KIAA1671: variants seen among roughly 807,000 people sequenced by gnomAD.
KIAA1671 encodes the protein uncharacterized protein KIAA1671.
In KIAA1671, 52 loss-of-function variants were observed where a neutral mutation model predicts 131.2. That is an observed-to-expected ratio of 0.40 (90% CI 0.32 to 0.50). The LOEUF is 0.50. Among genes scored for constraint, KIAA1671 ranks in the 20% least tolerant of loss-of-function variants. The pLI, the probability that KIAA1671 is intolerant of heterozygous loss-of-function variation, is 0.73. For synonymous variants in KIAA1671, 1,003 were observed against 961.6 expected (o/e 1.04, Z -0.80); for missense variants, 2,360 against 2,364.2 (o/e 1.00, Z 0.04).
chr22:25,100,578 A>G (rs1285079280), intron 6 of KIAA1671, among the ~76,000 whole-genome samples: 2 of 152,218 alleles, frequency 1.3e-5, no homozygotes, highest in South Asian at 4.1e-4. Flanking sequence ...TAGCAGATGC[A>G]TGACTTGGAC....
Position 25,040,516 on chromosome 22 carries a change from C to T in KIAA1671, c.3386C>T (p.Ala1129Val), listed in dbSNP as rs1602090375. The change falls in exon 5 of 13, where the codon GCC becomes GTC. Residue 1129 changes from alanine (A) to valine (V), a missense_variant. Ala to Val is a moderately conservative substitution (Grantham distance 64). Transcript: ENST00000358431. ...AATGGAAGAATCATTGATGTGGATGCCTTATGGAGTCATCGGGGATCAGAA... is the reference window on the plus strand; with the variant it reads ...AATGGAAGAATCATTGATGTGGATGTCTTATGGAGTCATCGGGGATCAGAA... ...PFNGRIIDVDALWSHRGSEDG... is the reference protein window; with the variant it reads ...PFNGRIIDVDVLWSHRGSEDG... The T allele has an allele frequency of 8.4e-6, 13 of 1,551,822 alleles. No individual in the cohort carries two copies. In the East Asian group the frequency reaches 2.9e-4, roughly 35 times the overall value.
intron 6 of KIAA1671, among the ~76,000 whole-genome samples, chr22:25,071,151 G>A (rs1173063767): frequency 1.3e-5 from 2 of 152,186 alleles, no homozygotes; most frequent in Admixed American, 1.3e-4. Flanking sequence ...ACATCCATCA[G>A]GGCTCTGGGA....
rs188374875 is a variant in KIAA1671, at chr22:24,981,687, T to C, written c.-208+28915T>C. On this transcript the variant is annotated intron_variant, in intron 1 of 12. Coordinates refer to ENST00000358431, the MANE Select transcript of KIAA1671 (RefSeq NM_001145206.2). ...GCTTTGGGAGGCCAAGGCGGGAAGATTGCTTGAGCCAGGAGTTCAAGATCA... is the reference window on the plus strand; with the variant it reads ...GCTTTGGGAGGCCAAGGCGGGAAGACTGCTTGAGCCAGGAGTTCAAGATCA... 9.8e-4 allele frequency among the ~76,000 whole-genome samples: 149 copies of C among 152,264 alleles called. 3 individuals are homozygous for C. In the South Asian group the frequency reaches 0.018, roughly 18 times the overall value.
intron 6 of KIAA1671, among the ~76,000 whole-genome samples, chr22:25,081,923 G>C (rs1221171270): frequency 1.3e-5 from 2 of 152,106 alleles, no homozygotes; most frequent in East Asian, 3.9e-4. Flanking sequence ...TTACCCCGCT[G>C]GGTAGTGCAT....
At chr22:25,159,139 T>C (rs1437425830) in intron 6 of KIAA1671, among the ~76,000 whole-genome samples, 1 of 152,060 alleles carries the variant, frequency 6.6e-6, no homozygotes, top group Non-Finnish European at 1.5e-5. Flanking sequence ...GTTGTTTGTG[T>C]TTATAGCCTC....
In KIAA1671 at chr22:25,033,574, G is replaced by GTTTTTTTTTTTTTTTTTTT. The variant is rs71191019; in HGVS notation, c.1629+884_1629+902dup. 8.7e-4 allele frequency among the ~76,000 whole-genome samples: 51 copies of GTTTTTTTTTTTTTTTTTTT among 58,426 alleles called. 10 individuals are homozygous for GTTTTTTTTTTTTTTTTTTT. The highest frequency in any genetic ancestry group is 1.1e-3 in the African/African-American group (15 of 13,944). The allele number at this position is 58,426 out of a possible 152,430, so 38.3% of individuals were successfully genotyped here. On this transcript the variant is annotated intron_variant, in intron 4 of 12. Coordinates refer to ENST00000358431, the MANE Select transcript of KIAA1671 (RefSeq NM_001145206.2). ...TTGTTTTTTTGGTTGGTTTGTTTTC[G>GTTTTTTTTTTTTTTTTTTT]TTTTTTTTTTTTTTTTTTTTTTTTG... is the stretch of plus-strand genomic sequence containing the variant.
At chr22:25,086,397 G>T (rs1929721316) in intron 6 of KIAA1671, among the ~76,000 whole-genome samples, 1 of 152,204 alleles carries the variant, frequency 6.6e-6, no homozygotes, top group Admixed American at 6.5e-5. Context: ...GCACACAATA[G>T]GTGCTGAATA....
intron 6 of KIAA1671, among the ~76,000 whole-genome samples, chr22:25,163,053 C>T (rs1933501037): frequency 6.6e-6 from 1 of 152,128 alleles, no homozygotes; most frequent in African/African-American, 2.4e-5. Flanking sequence ...TTTGGCCTGG[C>T]ATGGTGGCTC....
chr22:25,177,314 A>AT (rs1568993452), intron 8 of KIAA1671, 34 bp from the exon 9 acceptor site: 3 of 1,525,274 alleles, frequency 2.0e-6, no homozygotes, highest in Admixed American at 2.1e-5. Context: ...GGTTCCCTTG[A>AT]TTTTTTTCCT....
chr22:24,953,943 A>T (rs1241924962), intron 1 of KIAA1671, among the ~76,000 whole-genome samples: 1 of 152,082 alleles, frequency 6.6e-6, no homozygotes, highest in African/African-American at 2.4e-5. Context: ...CTGAATCCAG[A>T]TGGGGACCCT....
chr22:25,067,345 C>T (rs2072180894), intron 6 of KIAA1671, among the ~76,000 whole-genome samples: 2 of 152,100 alleles, frequency 1.3e-5, no homozygotes, highest in East Asian at 1.9e-4. Flanking sequence ...GCTTTCTCCC[C>T]GGCTGTTCCT....
chr22:24,966,848 C>T (rs1338394238), intron 1 of KIAA1671, among the ~76,000 whole-genome samples: 4 of 152,080 alleles, frequency 2.6e-5, no homozygotes, highest in African/African-American at 7.2e-5. Context: ...CTCAACTGCT[C>T]GGGAGGCTGA....
rs2146058915 is a variant in KIAA1671 at position 25,192,985 on chromosome 22, T to TA, written c.*585dup. The TA allele has an allele frequency of 6.6e-6, 1 of 152,292 alleles. No homozygotes were observed. Among genetic ancestry groups the TA allele is most frequent in the East Asian group, 1.9e-4 (1 of 5,182 alleles). 9.4% of individuals were successfully genotyped at this position (152,292 alleles called of 1,614,324 possible). On this transcript the variant is annotated 3_prime_UTR_variant, in exon 13 of 13. Transcript: ENST00000358431. ...AATCAGCAGTTCCAATTTTTAAACA[T>TA]ACTCTCCCTGATTATGTGTATTTCT...
At chr22:25,011,639 T>C (rs2049984) in intron 1 of KIAA1671, 23,155 of 97,864 alleles carry the variant, frequency 0.24, 1,837 homozygotes, top group East Asian at 0.36. Flanking sequence ...CTTTTCTTTT[T>C]TTTTTTTTTT....
chr22:25,162,880 C>A (rs1933494146), intron 6 of KIAA1671, among the ~76,000 whole-genome samples: 1 of 152,166 alleles, frequency 6.6e-6, no homozygotes, highest in South Asian at 2.1e-4. Context: ...TACTATCTAG[C>A]CCTTTATAGA....
intron 1 of KIAA1671, among the ~76,000 whole-genome samples, chr22:24,993,666 T>C (rs935951528): frequency 6.6e-6 from 1 of 152,218 alleles, no homozygotes; most frequent in Non-Finnish European, 1.5e-5. Flanking sequence ...TGCTCTAAAC[T>C]CCACGTAAAC....
intron 3 of KIAA1671, among the ~76,000 whole-genome samples, chr22:25,031,832 A>C (rs1405891166): frequency 1.3e-5 from 2 of 152,218 alleles, no homozygotes. Context: ...GAGTTTAGAC[A>C]GAACTCCTCT....
chr22:25,167,239 GC>G (rs1933675788), intron 6 of KIAA1671, among the ~76,000 whole-genome samples: 2 of 152,206 alleles, frequency 1.3e-5, no homozygotes, highest in African/African-American at 4.8e-5. Context: ...CCTATGTGCT[GC>G]CCGTAGGCTT....
intron 6 of KIAA1671, chr22:25,053,235 C>G (rs1012374169): frequency 6.6e-6 from 1 of 152,240 alleles, no homozygotes; most frequent in African/African-American, 2.4e-5. Context: ...CTCTGTTTCT[C>G]CCCATCTCCC....
Sources: allele counts gnomAD v4.1 joint callset (sites outside exome capture counted in the v4.1 genomes callset), GRCh38; gene constraint gnomAD v4.1.1; transcripts MANE v1.5; gene names NCBI Gene and HGNC (gene_info 2026-07-23, HGNC 2026-07-21).